Variants in LYRM4 observed in about 807,000 individuals in gnomAD.
The protein encoded by LYRM4 is LYR motif containing 4, also known as LYR motif-containing protein 4.
LYRM4 carries 9 observed loss-of-function variants against 11.7 expected under a neutral mutation model. The observed-to-expected ratio is 0.77, with a 90% confidence interval of 0.46 to 1.34. The LOEUF (loss-of-function observed/expected upper bound fraction) is 1.34. LYRM4 is among the 40% of genes most tolerant of loss of function. LYRM4 has a pLI of 0.00. For missense variants in LYRM4, 133 were observed against 112.5 expected (o/e 1.18, Z -0.82); for synonymous variants, 42 against 40.4 (o/e 1.04, Z -0.15).
At chr6:5,093,004 G>C in the LYRM4 span, among the ~76,000 whole-genome samples, 1 of 152,190 alleles carries the variant, frequency 6.6e-6, no homozygotes, top group African/African-American at 2.4e-5. Context: ...GAATATACTT[G>C]GGTATTAAAT....
chr6:5,127,354 C>T (rs148879745), intron 2 of LYRM4, among the ~76,000 whole-genome samples: 1 of 151,894 alleles, frequency 6.6e-6, no homozygotes, highest in African/African-American at 2.4e-5. Context: ...CAATGCGCTG[C>T]GATTACAGGC....
At chr6:5,231,314 C>CT (rs560040980) in intron 1 of LYRM4, among the ~76,000 whole-genome samples, 143 of 152,312 alleles carry the variant, frequency 9.4e-4, no homozygotes, top group Non-Finnish European at 1.7e-3. Flanking sequence ...CTAAAAAAGG[C>CT]TGCAGGGCCG....
the LYRM4 span, chr6:5,085,510 A>G: frequency 1.3e-6 from 2 of 1,537,450 alleles, no homozygotes; most frequent in African/African-American, 2.7e-5. Context: ...GGCGCGGCTA[A>G]GTTTGGAGGC....
chr6:5,113,504 G>A (rs975882459), intron 2 of LYRM4: 4 of 315,660 alleles, frequency 1.3e-5, no homozygotes, highest in South Asian at 2.4e-5. Context: ...AGAGGAATAC[G>A]TGGGTGCTGC....
chr6:5,219,893 G>A (rs571067792), intron 1 of LYRM4, among the ~76,000 whole-genome samples: 1 of 152,024 alleles, frequency 6.6e-6, no homozygotes, highest in African/African-American at 2.4e-5. Flanking sequence ...TCTGAAATAC[G>A]GCATGAAAAA....
chr6:5,094,250 G>A, the LYRM4 span, among the ~76,000 whole-genome samples: 2 of 152,220 alleles, frequency 1.3e-5, no homozygotes, highest in African/African-American at 4.8e-5. Flanking sequence ...GGGAGGCTGA[G>A]GCAGGAGGTT....
intron 1 of LYRM4, among the ~76,000 whole-genome samples, chr6:5,221,994 G>C (rs1042525737): frequency 1.3e-5 from 2 of 152,220 alleles, no homozygotes; most frequent in African/African-American, 4.8e-5. Flanking sequence ...TATGTGTGTA[G>C]TGTATAATCA....
chr6:5,138,701 A>G, intron 2 of LYRM4: 1 of 1,531,650 alleles, frequency 6.5e-7, no homozygotes, highest in East Asian at 2.4e-5. Context: ...TGCAATAGAA[A>G]ACAAACCTGG....
At chr6:5,036,069 TAATA>T in the LYRM4 span, among the ~76,000 whole-genome samples, 100,360 of 149,464 alleles carry the variant, frequency 0.67, 36,101 homozygotes, top group East Asian at 0.95. Context: ...CATGAATTTT[TAATA>T]AATAGTTTAA....
chr6:5,166,105 G>A (rs1189889169), intron 2 of LYRM4, among the ~76,000 whole-genome samples: 1 of 152,118 alleles, frequency 6.6e-6, no homozygotes, highest in African/African-American at 2.4e-5. Flanking sequence ...AGCAAGTGCC[G>A]TGAAGAGCTA....
chr6:5,080,471 A>G, the LYRM4 span, among the ~76,000 whole-genome samples: 5 of 152,190 alleles, frequency 3.3e-5, no homozygotes, highest in Admixed American at 6.5e-5. Context: ...GAGGCCTGCA[A>G]TCTGGGTCTG....
chr6:5,076,959 A>G, the LYRM4 span, among the ~76,000 whole-genome samples: 35 of 152,182 alleles, frequency 2.3e-4, no homozygotes, highest in Non-Finnish European at 2.1e-4. Flanking sequence ...GGAACAAGAG[A>G]GGCCATATCT....
the LYRM4 span, among the ~76,000 whole-genome samples, chr6:5,041,795 T>C: frequency 6.6e-6 from 1 of 152,234 alleles, no homozygotes; most frequent in Admixed American, 6.5e-5. Context: ...TTGTAATTCA[T>C]CTCTGCTAAT....
At chr6:5,119,912 A>AT (rs1561809427) in intron 2 of LYRM4, among the ~76,000 whole-genome samples, 1 of 147,518 alleles carries the variant, frequency 6.8e-6, no homozygotes, top group Admixed American at 6.8e-5. Flanking sequence ...AAACTATTTT[A>AT]TTTTTTGAGA....
intron 2 of LYRM4, among the ~76,000 whole-genome samples, chr6:5,154,679 C>T (rs563655723): frequency 4.6e-5 from 7 of 152,214 alleles, no homozygotes; most frequent in Non-Finnish European, 1.0e-4. Flanking sequence ...ATTAGCCGGG[C>T]GTGGTGTCAC....
intron 1 of LYRM4, among the ~76,000 whole-genome samples, chr6:5,254,320 G>A (rs981636548): frequency 1.3e-5 from 2 of 152,180 alleles, no homozygotes; most frequent in Non-Finnish European, 2.9e-5. Flanking sequence ...TAGGGAAAAC[G>A]CTTCCTTGAC....
chr6:5,143,010 G>A (rs547609676), intron 2 of LYRM4, among the ~76,000 whole-genome samples: 2 of 152,338 alleles, frequency 1.3e-5, no homozygotes, highest in East Asian at 3.9e-4. Flanking sequence ...GACTCCCCAC[G>A]TGGCTGCATT....
intron 1 of LYRM4, among the ~76,000 whole-genome samples, chr6:5,220,193 A>C (rs1028901892): frequency 6.6e-6 from 1 of 152,190 alleles, no homozygotes; most frequent in Non-Finnish European, 1.5e-5. Flanking sequence ...TCCCTGTTGC[A>C]CAGCAGGCAG....
intron 2 of LYRM4, chr6:5,144,239 G>A (rs1188055678): frequency 2.0e-6 from 3 of 1,537,054 alleles, no homozygotes; most frequent in East Asian, 4.9e-5. Flanking sequence ...ACTTCCTCCT[G>A]GCGGCTGTGC....
Sources: gnomAD v4.1 joint callset for allele counts (sites outside exome capture counted in the v4.1 genomes callset) on GRCh38, gnomAD v4.1.1 for gene constraint, MANE v1.5 for transcripts, NCBI Gene and HGNC (gene_info 2026-07-23, HGNC 2026-07-21) for gene names.